The following CERS6 variants were observed in gnomAD, a reference collection of about 807,000 sequenced individuals.
CERS6 encodes ceramide synthase 6, also known as LAG1 homolog, ceramide synthase 6.
Under a neutral mutation model 56.8 loss-of-function variants are expected in CERS6, and 26 were observed. The ratio of observed to expected loss-of-function variants is 0.46; its 90% confidence interval spans 0.34 to 0.63. CERS6 has a LOEUF of 0.63. Among genes scored for constraint, CERS6 ranks in the 30% least tolerant of loss-of-function variants. The pLI is 0.01. For synonymous variants in CERS6, 164 were observed against 173.3 expected (o/e 0.95, Z 0.42); for missense variants, 415 against 467.5 (o/e 0.89, Z 1.04).
chr2:168,726,182 A>G (rs552919262), intron 8 of CERS6, among the ~76,000 whole-genome samples: 21 of 152,336 alleles, frequency 1.4e-4, no homozygotes, highest in Non-Finnish European at 2.1e-4. Flanking sequence ...AAATCTTTGC[A>G]AAGAAAGATA....
chr2:168,461,141 G>A (rs1362190548), intron 1 of CERS6, among the ~76,000 whole-genome samples: 1 of 152,148 alleles, frequency 6.6e-6, no homozygotes, highest in Non-Finnish European at 1.5e-5. Flanking sequence ...ACCTTGTAAT[G>A]AAGAGACTGA....
intron 8 of CERS6, among the ~76,000 whole-genome samples, chr2:168,751,199 A>G (rs907543395): frequency 3.3e-5 from 5 of 152,188 alleles, no homozygotes; most frequent in African/African-American, 1.2e-4. Flanking sequence ...ATGGCTGGAA[A>G]CTTATTTACT....
intron 4 of CERS6, among the ~76,000 whole-genome samples, chr2:168,641,536 C>T (rs919669277): frequency 2.0e-5 from 3 of 152,152 alleles, no homozygotes; most frequent in Admixed American, 2.0e-4. Context: ...TGACCGTCCT[C>T]ACCTTTACCT....
intron 1 of CERS6, among the ~76,000 whole-genome samples, chr2:168,458,538 A>G (rs761940236): frequency 6.6e-6 from 1 of 152,076 alleles, no homozygotes; most frequent in African/African-American, 2.4e-5. Flanking sequence ...TAATCCCATG[A>G]CTCGACTTAG....
At chr2:168,560,809 T>A (rs984138768) in intron 2 of CERS6, among the ~76,000 whole-genome samples, 2 of 152,160 alleles carry the variant, frequency 1.3e-5, no homozygotes, top group African/African-American at 4.8e-5. Context: ...AGTGAGATAT[T>A]TGAATGATAC....
intron 1 of CERS6, among the ~76,000 whole-genome samples, chr2:168,537,655 G>T (rs1695289177): frequency 6.6e-6 from 1 of 152,072 alleles, no homozygotes. Context: ...TTAAACATTG[G>T]AGTCACCTTA....
chr2:168,552,661 G>A (rs1251461695), intron 2 of CERS6, among the ~76,000 whole-genome samples: 1 of 152,134 alleles, frequency 6.6e-6, no homozygotes, highest in Non-Finnish European at 1.5e-5. Flanking sequence ...GCAGGAACAG[G>A]TGAGCCAGGC....
At chr2:168,754,785 C>T (rs1243537771) in intron 8 of CERS6, among the ~76,000 whole-genome samples, 1 of 152,124 alleles carries the variant, frequency 6.6e-6, no homozygotes, top group Non-Finnish European at 1.5e-5. Flanking sequence ...TTGAGACAGG[C>T]CTTTGCTCTG....
chr2:168,603,696 C>A (rs1306395544), intron 3 of CERS6, among the ~76,000 whole-genome samples: 1 of 152,176 alleles, frequency 6.6e-6, no homozygotes, highest in Admixed American at 6.5e-5. Flanking sequence ...AGTGGGAGAC[C>A]TGATTGTAAT....
At chr2:168,659,053 A>G (rs547755649) in intron 4 of CERS6, among the ~76,000 whole-genome samples, 1 of 152,372 alleles carries the variant, frequency 6.6e-6, no homozygotes, top group East Asian at 1.9e-4. Flanking sequence ...TCAGCTCTGA[A>G]TGACAAGAAT....
intron 8 of CERS6, among the ~76,000 whole-genome samples, chr2:168,757,328 A>C (rs1186227224): frequency 2.0e-5 from 3 of 151,422 alleles, no homozygotes. Flanking sequence ...GCAGACATAC[A>C]GCAAATAGGG....
chr2:168,763,364 C>T (rs915462820), intron 8 of CERS6, among the ~76,000 whole-genome samples: 1 of 151,418 alleles, frequency 6.6e-6, no homozygotes, highest in African/African-American at 2.4e-5. Context: ...GCTGTAGCCT[C>T]CTGAGTAGCT....
chr2:168,459,929 C>A (rs1693748101), intron 1 of CERS6, among the ~76,000 whole-genome samples: 2 of 152,120 alleles, frequency 1.3e-5, no homozygotes, highest in South Asian at 4.1e-4. Context: ...GTTATTGTTA[C>A]AAATGTTAAC....
At chr2:168,605,702 C>T (rs1053922973) in intron 3 of CERS6, among the ~76,000 whole-genome samples, 2 of 152,206 alleles carry the variant, frequency 1.3e-5, no homozygotes, top group Non-Finnish European at 2.9e-5. Flanking sequence ...CTGCTCCAGC[C>T]ATGGCTCAAA....
intron 3 of CERS6, among the ~76,000 whole-genome samples, chr2:168,605,191 A>G (rs1684024738): frequency 6.6e-6 from 1 of 152,228 alleles, no homozygotes; most frequent in Non-Finnish European, 1.5e-5. Flanking sequence ...AACTGGAGCA[A>G]AGGTCACTTT....
intron 1 of CERS6, among the ~76,000 whole-genome samples, chr2:168,522,254 G>A (rs990147448): frequency 6.6e-6 from 1 of 152,158 alleles, no homozygotes; most frequent in African/African-American, 2.4e-5. Context: ...AGAACTGGGT[G>A]GATGCAGGTA....
At position 168,726,207 on chromosome 2, in the gene CERS6, G is replaced by A. The variant is rs142509041; in HGVS notation, c.845+8229G>A. Among the ~76,000 whole-genome samples the A allele has an allele frequency of 7.2e-3, 1,089 of 152,240 alleles. 11 individuals are homozygous for A. The highest frequency in any genetic ancestry group is 0.025 in the African/African-American group (1,019 of 41,538). ...AAAGAAAGATAGGTGCAATTTCTCC[G>A]TTAATACACAGAGAAAGGAGATTCA... On this transcript the variant is annotated intron_variant, in intron 8 of 9. Transcript: ENST00000305747.
chr2:168,506,904 C>T (rs1694688204), intron 1 of CERS6, among the ~76,000 whole-genome samples: 1 of 151,930 alleles, frequency 6.6e-6, no homozygotes, highest in Non-Finnish European at 1.5e-5. Flanking sequence ...ATATATTTTC[C>T]TAGTGGATTA....
intron 3 of CERS6, among the ~76,000 whole-genome samples, chr2:168,603,940 C>T (rs901965617): frequency 2.6e-5 from 4 of 152,130 alleles, no homozygotes; most frequent in Admixed American, 2.6e-4. Flanking sequence ...TCTGAATCTC[C>T]ACATCTTATT....
Sources: gnomAD v4.1 joint callset for allele counts (sites outside exome capture counted in the v4.1 genomes callset) on GRCh38, gnomAD v4.1.1 for gene constraint, MANE v1.5 for transcripts, NCBI Gene and HGNC (gene_info 2026-07-23, HGNC 2026-07-21) for gene names.